SMAD9: variants seen among roughly 807,000 people sequenced by gnomAD.
SMAD9 encodes SMAD family member 9.
SMAD9 carries 36 observed loss-of-function variants against 46.1 expected under a neutral mutation model. The ratio of observed to expected loss-of-function variants is 0.78; its 90% confidence interval spans 0.60 to 1.03. The LOEUF (loss-of-function observed/expected upper bound fraction) is 1.03. Among genes scored for constraint, SMAD9 ranks in the 50% least tolerant of loss-of-function variants. The pLI is 0.00. For missense variants in SMAD9, 572 were observed against 599.8 expected, an observed-to-expected ratio of 0.95 and a Z score of 0.48; for synonymous variants, 245 against 237.1, an observed-to-expected ratio of 1.03 and a Z score of -0.31.
At chr13:36,919,435 A>G (rs1403949009) in intron 1 of SMAD9, among the ~76,000 whole-genome samples, 2 of 152,148 alleles carry the variant, frequency 1.3e-5, no homozygotes, top group Non-Finnish European at 2.9e-5. Flanking sequence ...GCGAGCCCGG[A>G]GACACTTCAA....
chr13:36,851,152 C>T (rs1385958877), intron 6 of SMAD9, among the ~76,000 whole-genome samples: 1 of 152,186 alleles, frequency 6.6e-6, no homozygotes, highest in Non-Finnish European at 1.5e-5. Flanking sequence ...AAGCTCGCCA[C>T]CTCCTTACAG....
At position 36,865,728 on chromosome 13, in the gene SMAD9, T is replaced by C. The variant is rs2058226955; in HGVS notation, c.812A>G (p.Gln271Arg). The change falls in exon 5 of 7, where the codon CAG becomes CGG. Residue 271 changes from glutamine (Q) to arginine (R), a missense_variant. Gln to Arg is a conservative substitution (Grantham distance 43). Transcript: ENST00000379826. Reference sequence around the variant, plus strand: ...ATAGTAGGCGACCGAGCACCAGTGCTGGGGCTCCTCGTAACAAACTGGTCG... The same window carrying C: ...ATAGTAGGCGACCGAGCACCAGTGCCGGGGCTCCTCGTAACAAACTGGTCG... ...DFRPVCYEEP[Q>R]HWCSVAYYEL... 1 of 1,614,158 alleles carries C rather than the reference T, an allele frequency of 6.2e-7. No individual in the cohort carries two copies. The highest frequency in any genetic ancestry group is 1.3e-5 in the African/African-American group (1 of 75,048).
rs189750675 is a variant in SMAD9 at position 36,855,380 on chromosome 13, T to C, written c.1004-1705A>G. ...GTCTGGGTTTGAGATTTAATATAAA[T>C]GTATAGCGAGGGACTGATGTTAGAA... On this transcript the variant is annotated intron_variant, in intron 5 of 6. Coordinates refer to ENST00000379826, the MANE Select transcript of SMAD9 (RefSeq NM_001127217.3). Among the ~76,000 whole-genome samples the C allele has an allele frequency of 1.5e-3, 227 of 151,946 alleles. 1 individual carries two copies. Among genetic ancestry groups the C allele is most frequent in the Admixed American group, 4.9e-3 (75 of 15,246 alleles).
upstream of SMAD9, chr13:36,920,612 C>T (rs562268745): frequency 2.6e-5 from 4 of 152,332 alleles, 1 homozygote; most frequent in East Asian, 7.7e-4. Flanking sequence ...TGGGTCGCCT[C>T]GCGTCTCTCT....
At chr13:36,852,277 A>G (rs2058080887) in intron 6 of SMAD9, 1 of 983,822 alleles carries the variant, frequency 1.0e-6, no homozygotes. Context: ...TTACTTTGAA[A>G]AAAATGCCTG....
intron 1 of SMAD9, among the ~76,000 whole-genome samples, chr13:36,903,743 CCT>C (rs1198732747): frequency 6.6e-6 from 1 of 152,030 alleles, no homozygotes; most frequent in Non-Finnish European, 1.5e-5. Flanking sequence ...AACATAGTGA[CCT>C]TTTTAAAAAC....
rs141213148 is a variant in SMAD9, at chr13:36,881,374, C to A, written c.-186-1499G>T. ...CTCCAACAATTGTTTGTTTAATATG[C>A]ATTAAATATAATTTTCTCCTTTGCT... On this transcript the variant is annotated intron_variant, in intron 1 of 6. Coordinates refer to ENST00000379826, the MANE Select transcript of SMAD9 (RefSeq NM_001127217.3). 1.6e-3 allele frequency among the ~76,000 whole-genome samples: 239 copies of A among 152,276 alleles called. 1 individual carries two copies. The highest frequency in any genetic ancestry group is 5.6e-3 in the African/African-American group (231 of 41,556).
chr13:36,857,872 G>A (rs2058141998), intron 5 of SMAD9, among the ~76,000 whole-genome samples: 2 of 152,092 alleles, frequency 1.3e-5, no homozygotes, highest in Non-Finnish European at 2.9e-5. Context: ...GCCTCCTCTC[G>A]AGTTTGTAAT....
intron 1 of SMAD9, among the ~76,000 whole-genome samples, chr13:36,913,096 TA>T (rs1391708887): frequency 3.3e-5 from 5 of 152,246 alleles, no homozygotes; most frequent in Non-Finnish European, 7.3e-5. Context: ...TTATTTGTGT[TA>T]TTTTTAATTT....
At chr13:36,902,869 C>T (rs1032587539) in intron 1 of SMAD9, among the ~76,000 whole-genome samples, 2 of 152,134 alleles carry the variant, frequency 1.3e-5, no homozygotes, top group Non-Finnish European at 2.9e-5. Context: ...CCATTTTGTT[C>T]ACCACTGTAC....
At chr13:36,903,110 CTTT>C (rs36063047) in intron 1 of SMAD9, among the ~76,000 whole-genome samples, 2 of 141,320 alleles carry the variant, frequency 1.4e-5, no homozygotes, top group African/African-American at 5.3e-5. Context: ...GGGGCTCTTT[CTTT>C]TTTTTTCTTT....
At chr13:36,903,104 CTCTT>C (rs892706854) in intron 1 of SMAD9, among the ~76,000 whole-genome samples, 15 of 144,248 alleles carry the variant, frequency 1.0e-4, no homozygotes, top group South Asian at 4.5e-4. Flanking sequence ...TGCCGAGGGG[CTCTT>C]TCTTTTTTTT....
At chr13:36,866,346 GAA>G (rs71198437) in intron 4 of SMAD9, among the ~76,000 whole-genome samples, 2 of 143,756 alleles carry the variant, frequency 1.4e-5, no homozygotes, top group South Asian at 4.4e-4. Context: ...GTTATGCATG[GAA>G]AAAAAAAAAC....
At chr13:36,865,898 A>G (rs773886870) in intron 4 of SMAD9, 140 bp from the exon 5 acceptor site, 11 of 711,502 alleles carry the variant, frequency 1.5e-5, no homozygotes, top group Non-Finnish European at 2.7e-5. Flanking sequence ...GCAATCTTTT[A>G]GAACCTGTAG....
chr13:36,915,426 A>T (rs1429817290), intron 1 of SMAD9, among the ~76,000 whole-genome samples: 1 of 152,174 alleles, frequency 6.6e-6, no homozygotes, highest in African/African-American at 2.4e-5. Flanking sequence ...CTCAGAATTA[A>T]ATATGAAAAA....
chr13:36,882,809 A>C (rs2138519556), intron 1 of SMAD9, among the ~76,000 whole-genome samples: 1 of 152,324 alleles, frequency 6.6e-6, no homozygotes, highest in East Asian at 1.9e-4. Context: ...ATTGTAAAAA[A>C]TGAATCATGC....
rs145394166 is a variant in SMAD9, at chr13:36,852,399, A to C, written c.1260+1020T>G. Reference sequence around the variant, plus strand: ...TGAAATACTAGACTCATTTGCGAGTACTTTGCAACAGACAAAATAGCAGGT... The same window carrying C: ...TGAAATACTAGACTCATTTGCGAGTCCTTTGCAACAGACAAAATAGCAGGT... On this transcript the variant is annotated intron_variant, in intron 6 of 6. Coordinates refer to ENST00000379826, the MANE Select transcript of SMAD9 (RefSeq NM_001127217.3). The C allele has an allele frequency of 9.7e-4, 957 of 985,178 alleles. 10 individuals are homozygous for C. The African/African-American group carries it at 0.015, about 16-fold the overall frequency. 61.0% of individuals were successfully genotyped at this position (985,178 alleles called of 1,614,324 possible). A position where few individuals can be genotyped will look rare whatever the true frequency, so the allele number is the denominator to read the frequency against.
At chr13:36,867,736 T>A (rs2058249684) in intron 3 of SMAD9, among the ~76,000 whole-genome samples, 1 of 152,216 alleles carries the variant, frequency 6.6e-6, no homozygotes, top group Non-Finnish European at 1.5e-5. Context: ...CAGAGAAAGC[T>A]AAACCTTCTT....
rs753426997 is a variant in SMAD9, at chr13:36,879,293, G to C, written c.397C>G (p.Arg133Gly). ...EVCINPYHYRRVETPVLPPVL... is the reference protein window; with the variant it reads ...EVCINPYHYRGVETPVLPPVL... ...GACGACCCACCTGGAGTCTCCACCC[G>C]GCGGTAGTGGTAAGGGTTAATGCAC... is the stretch of plus-strand genomic sequence containing the variant. The change falls in exon 2 of 7, where the codon CGG becomes GGG. Residue 133 changes from arginine to glycine, a missense_variant. Transcript: ENST00000379826. 1 of 1,613,886 alleles carries C rather than the reference G, an allele frequency of 6.2e-7. No individual in the cohort carries two copies.
Sources: allele counts gnomAD v4.1 joint callset (sites outside exome capture counted in the v4.1 genomes callset), GRCh38; gene constraint gnomAD v4.1.1; transcripts MANE v1.5; gene names NCBI Gene and HGNC (gene_info 2026-07-23, HGNC 2026-07-21).